Variants in RNF123 observed in about 807,000 individuals in gnomAD.
The protein encoded by RNF123 is ring finger protein 123.
RNF123 carries 86 observed loss-of-function variants against 168.5 expected under a neutral mutation model. That is an observed-to-expected ratio of 0.51 (90% CI 0.43 to 0.61). The LOEUF (loss-of-function observed/expected upper bound fraction) is 0.61, where lower values mean the gene tolerates loss of function less well. Among genes scored for constraint, RNF123 ranks in the 20% least tolerant of loss-of-function variants. The probability of loss-of-function intolerance (pLI) is 0.00; values close to 1 mark genes in which losing one functional copy is unlikely to be tolerated. For synonymous variants in RNF123, 666 were observed against 689.1 expected (o/e 0.97, Z 0.52); for missense variants, 1,419 against 1,729.7 (o/e 0.82, Z 3.19).
chr3:49,715,579 C>A lies in RNF123; in HGVS notation c.3015C>A (p.Pro1005=), dbSNP rs780241050. The A allele has an allele frequency of 6.2e-7, 1 of 1,614,012 alleles. No homozygotes were observed. The highest frequency in any genetic ancestry group is 8.5e-7 in the Non-Finnish European group (1 of 1,179,978). The change falls in exon 32 of 39, where the codon CCC becomes CCA. Residue 1005 remains proline, a synonymous_variant. Transcript: ENST00000327697. The part of the protein sequence containing the change: ...EDANLPSLQK[P]CPSTLLQQHM... ...CCGCCTCCTGTCCCCCTGCAGAGCC[C>A]TGCCCTTCCACCCTGCTGCAGCAGC...
At chr3:49,719,291 A>G (rs1362794445) in intron 35 of RNF123, 1 of 1,613,010 alleles carries the variant, frequency 6.2e-7, no homozygotes, top group East Asian at 2.2e-5. Context: ...GCGGCAGGTA[A>G]CTCGGCTGGC....
intron 35 of RNF123, chr3:49,718,301 G>A (rs757130214): frequency 2.5e-6 from 4 of 1,613,218 alleles, no homozygotes; most frequent in Non-Finnish European, 3.4e-6. Flanking sequence ...GCACAGCCCA[G>A]CAGTGTGGTG....
chr3:49,701,933 G>A (rs762074195), intron 17 of RNF123, 23 bp downstream of exon 17: 17 of 1,557,156 alleles, frequency 1.1e-5, no homozygotes, highest in Non-Finnish European at 8.7e-7. Flanking sequence ...TGGGCACGGG[G>A]TAGGGTGGGA....
chr3:49,701,441 G>T, intron 15 of RNF123, 50 bp from the exon 16 acceptor site: 3 of 1,406,312 alleles, frequency 2.1e-6, no homozygotes, highest in Non-Finnish European at 3.0e-6. Context: ...ACTCTTGAGG[G>T]TGTGCAGAGT....
rs767597997 is a variant in RNF123, at chr3:49,698,805, C to T, written c.621C>T (p.Gly207=). 3.1e-6 allele frequency: 5 copies of T among 1,613,902 alleles called. No individual in the cohort carries two copies. The highest frequency in any genetic ancestry group is 1.7e-4 in the Middle Eastern group (1 of 6,060). Residue 207 remains glycine (G), a synonymous_variant, in exon 9 of 39, where the codon GGC becomes GGT. Coordinates refer to ENST00000327697, the MANE Select transcript of RNF123 (RefSeq NM_022064.5). The part of the protein sequence containing the change: ...IVSCLIDLDD[G]TLSFCLNGVS... ...GCTGCCTGATTGACCTGGATGATGG[C>T]ACTCTGTCCTTCTGCCTGTGAGTTT...
rs2080245601 is a variant in RNF123 at position 49,716,397 on chromosome 3, A to G, written c.3420A>G (p.Leu1140=). The change falls in exon 35 of 39, where the codon CTA becomes CTG. Residue 1140 remains leucine (L), a synonymous_variant. Coordinates refer to ENST00000327697, the MANE Select transcript of RNF123 (RefSeq NM_022064.5). Reference sequence around the variant, plus strand: ...CTTTCCTCCCCTTCCCCTCAGGCCTAGAGAGCGTGGACCACTATCCCATTC... The same window carrying G: ...CTTTCCTCCCCTTCCCCTCAGGCCTGGAGAGCGTGGACCACTATCCCATTC... ...DRVVTLRLPG[L]ESVDHYPILV... 1.2e-6 allele frequency: 2 copies of G among 1,613,874 alleles called. No homozygotes were observed. Among genetic ancestry groups the G allele is most frequent in the Non-Finnish European group, 1.7e-6 (2 of 1,179,884 alleles).
At position 49,718,353 on chromosome 3, in the gene RNF123, C is replaced by T. The variant is rs557401374; in HGVS notation, c.3500+1876C>T. ...CCTCGGGCTCTGGGCGCGGAAAGTG[C>T]ACGCTCACGTTGTACTCGTGCGTCT... On this transcript the variant is annotated intron_variant, in intron 35 of 38. Transcript: ENST00000327697. 24 of 1,613,386 alleles carry T rather than the reference C, an allele frequency of 1.5e-5. No homozygotes were observed. In the South Asian group the frequency reaches 2.4e-4, roughly 16 times the overall value.
At position 49,701,849 on chromosome 3, in the gene RNF123, G is replaced by A. The variant is rs1430788325; in HGVS notation, c.1434G>A (p.Glu478=). The change falls in exon 17 of 39, where the codon GAG becomes GAA. Residue 478 remains glutamate (E), a synonymous_variant. Transcript: ENST00000327697. ...CGGAGATGAAGGAGGAGACCGCAGA[G>A]GAGCGGCTGCGGCGGCGAGCCTACG... ...ESTEMKEETA[E]ERLRRRAYER... 4.4e-6 allele frequency: 7 copies of A among 1,573,948 alleles called. No homozygotes were observed. The highest frequency in any genetic ancestry group is 1.9e-5 in the Admixed American group (1 of 52,108).
At chr3:49,705,801 G>C in intron 24 of RNF123, 122 bp downstream of exon 24, 3 of 1,507,994 alleles carry the variant, frequency 2.0e-6, no homozygotes, top group Non-Finnish European at 2.7e-6. Flanking sequence ...GGGAGCACAT[G>C]CCTCAGCGAG....
intron 22 of RNF123, 55 bp downstream of exon 22, chr3:49,704,811 T>C (rs748299458): frequency 9.5e-5 from 141 of 1,487,112 alleles, no homozygotes; most frequent in Non-Finnish European, 1.2e-4. Context: ...CTGTATCTTA[T>C]GGGCAGGGGT....
intron 35 of RNF123, chr3:49,719,538 C>G (rs1485258835): frequency 4.6e-6 from 6 of 1,309,532 alleles, no homozygotes; most frequent in East Asian, 4.8e-5. Flanking sequence ...CTCTTCTGCT[C>G]TAGTGCGACA....
chr3:49,705,831 G>T, intron 24 of RNF123, 151 bp from the exon 25 acceptor site: 1 of 1,436,172 alleles, frequency 7.0e-7, no homozygotes, highest in South Asian at 1.2e-5. Flanking sequence ...TGCTCCTGCT[G>T]CCTCAGTCTG....
At chr3:49,702,048 G>T (rs1332156875) in intron 17 of RNF123, 35 bp from the exon 18 acceptor site, 1 of 1,608,890 alleles carries the variant, frequency 6.2e-7, no homozygotes, top group East Asian at 2.2e-5. Flanking sequence ...CCATCTCCTG[G>T]AGCCTGAGGG....
chr3:49,696,976 G>A (rs1437640621), intron 3 of RNF123, 167 bp from the exon 4 acceptor site: 2 of 670,492 alleles, frequency 3.0e-6, no homozygotes, highest in Non-Finnish European at 2.7e-6. Context: ...GTTTAGTGGA[G>A]AATTCGGCCT....
chr3:49,720,605 G>A lies in RNF123; in HGVS notation c.3595G>A (p.Gly1199Ser). ...GGGACAGCCAGAGCCCCCAGCACCT[G>A]GCACTGCTCTGCCAGCCCCTGACCG... ...LLGQPEPPAP[G>S]TALPAPDRKR... Residue 1199 changes from glycine (G) to serine (S), a missense_variant, in exon 36 of 39, where the codon GGC becomes AGC. Transcript: ENST00000327697. 1 of 1,609,944 alleles carries A rather than the reference G, an allele frequency of 6.2e-7. No individual in the cohort carries two copies. Among genetic ancestry groups the A allele is most frequent in the Non-Finnish European group, 8.5e-7 (1 of 1,177,268 alleles).
Position 49,699,489 on chromosome 3 carries a change from G to T in RNF123, c.786G>T (p.Arg262=). Residue 262 remains arginine, a synonymous_variant, in exon 11 of 39, where the codon CGG becomes CGT. Transcript: ENST00000327697. The surrounding 1 kb of genome is among the most constrained non-coding windows in gnomAD (Gnocchi z 4.8). ...RPLRYPVAGY[R]PLQDPPSADL... The stretch of plus-strand genomic sequence containing the variant: ...GCACCTACCCAGTGGCAGGCTACCG[G>T]CCCCTGCAGGACCCACCGAGTGCTG... 1.9e-6 allele frequency: 3 copies of T among 1,608,232 alleles called. No homozygotes were observed. Among genetic ancestry groups the T allele is most frequent in the Non-Finnish European group, 2.5e-6 (3 of 1,177,756 alleles).
At chr3:49,702,550 C>T (rs1300312335) in intron 19 of RNF123, 83 bp from the exon 20 acceptor site, 11 of 1,610,504 alleles carry the variant, frequency 6.8e-6, no homozygotes, top group Admixed American at 3.3e-5. Context: ...GCTTAACCCT[C>T]GACCCTCAGG....
At chr3:49,713,470 GC>G (rs918821421) in intron 27 of RNF123, 42 bp from the exon 28 acceptor site, 1 of 1,553,926 alleles carries the variant, frequency 6.4e-7, no homozygotes. Flanking sequence ...TGCCTCTGGA[GC>G]CCCCACTCCC....
At chr3:49,719,539 T>A in intron 35 of RNF123, 4 of 1,284,720 alleles carry the variant, frequency 3.1e-6, no homozygotes, top group Non-Finnish European at 4.3e-6. Flanking sequence ...TCTTCTGCTC[T>A]AGTGCGACAT....
Sources: gnomAD v4.1 joint callset for allele counts on GRCh38, gnomAD v4.1.1 for gene constraint, Gnocchi (gnomAD v3.1) non-coding constraint, MANE v1.5 for transcripts, NCBI Gene and HGNC (gene_info 2026-07-23, HGNC 2026-07-21) for gene names.